NEBL: variants seen among roughly 807,000 people sequenced by gnomAD.
NEBL encodes nebulette.
Under a neutral mutation model 140.2 loss-of-function variants are expected in NEBL, and 122 were observed. The ratio of observed to expected loss-of-function variants is 0.87; its 90% CI spans 0.75 to 1.01. The LOEUF (loss-of-function observed/expected upper bound fraction) is 1.01, where lower values mean the gene tolerates loss of function less well. Ranked by LOEUF, NEBL falls within the 50% of genes least tolerant of loss-of-function variation. The pLI is 0.00. For missense variants in NEBL, 1,365 were observed against 1,231.3 expected (o/e 1.11, Z -1.62); for synonymous variants, 436 against 398.9 (o/e 1.09, Z -1.11).
rs145098713 is a variant in NEBL, at chr10:21,004,907, T to A, written c.249+15210A>T. Among the ~76,000 whole-genome samples, 698 of 152,300 alleles carry A rather than the reference T, an allele frequency of 4.6e-3. 1 individual carries two copies. The highest frequency in any genetic ancestry group is 0.016 in the African/African-American group (677 of 41,560). ...CACAGAAAGCATCTCACCTTTCTTT[T>A]TCCTCTAAAACCCTTTCAGTATTAA... On this transcript the variant is annotated intron_variant, in intron 3 of 6. Coordinates refer to the NEBL transcript ENST00000417816.
intron 5 of NEBL, among the ~76,000 whole-genome samples, chr10:20,875,130 G>A (rs981854164): frequency 2.6e-5 from 4 of 151,962 alleles, no homozygotes; most frequent in Non-Finnish European, 4.4e-5. Context: ...TCTTTATCTC[G>A]CCATATTCAC....
intron 3 of NEBL, among the ~76,000 whole-genome samples, chr10:21,195,153 A>G (rs1460248589): frequency 6.6e-6 from 1 of 152,116 alleles, no homozygotes; most frequent in South Asian, 2.1e-4. Context: ...CCTTTCTCCT[A>G]TCTAGATGAC....
intron 2 of NEBL, among the ~76,000 whole-genome samples, chr10:21,045,993 TA>T (rs372089312): frequency 2.6e-3 from 324 of 126,820 alleles, no homozygotes; most frequent in African/African-American, 9.0e-3. Context: ...GATGAATGGA[TA>T]AAAAAATGTG....
chr10:21,036,629 A>C (rs1365039362), intron 2 of NEBL, among the ~76,000 whole-genome samples: 1 of 152,124 alleles, frequency 6.6e-6, no homozygotes, highest in East Asian at 1.9e-4. Flanking sequence ...TGGCCAGGCT[A>C]TTCAAAAAGT....
intron 1 of NEBL, among the ~76,000 whole-genome samples, chr10:21,287,775 G>A (rs1048910154): frequency 6.6e-6 from 1 of 151,860 alleles, no homozygotes; most frequent in Non-Finnish European, 1.5e-5. Context: ...GACAAATAAC[G>A]ACATTCTCTC....
chr10:20,994,993 A>C (rs891165570), intron 3 of NEBL, among the ~76,000 whole-genome samples: 1 of 152,146 alleles, frequency 6.6e-6, no homozygotes, highest in Non-Finnish European at 1.5e-5. Flanking sequence ...AACTGTAGTT[A>C]TACCAAATTA....
intron 3 of NEBL, among the ~76,000 whole-genome samples, chr10:21,236,745 T>C (rs1842358530): frequency 6.6e-6 from 1 of 152,124 alleles, no homozygotes; most frequent in African/African-American, 2.4e-5. Context: ...GGCCCCAAAA[T>C]GAACCCCAAA....
intron 4 of NEBL, among the ~76,000 whole-genome samples, chr10:20,954,169 A>G (rs1835663436): frequency 6.6e-6 from 1 of 152,220 alleles, no homozygotes. Flanking sequence ...AAAATCTGGG[A>G]GCTTTCAAGA....
At chr10:21,076,249 C>T (rs901530279) in intron 2 of NEBL, among the ~76,000 whole-genome samples, 7 of 151,908 alleles carry the variant, frequency 4.6e-5, no homozygotes, top group Non-Finnish European at 1.0e-4. Flanking sequence ...TCAAGACTGG[C>T]TTGGCCAACA....
intron 2 of NEBL, among the ~76,000 whole-genome samples, chr10:21,116,775 T>C (rs1838303260): frequency 6.6e-6 from 1 of 152,014 alleles, no homozygotes; most frequent in South Asian, 2.1e-4. Context: ...ATTTAAGCAA[T>C]CCTCCCACCT....
chr10:21,058,139 G>A (rs900447092), intron 2 of NEBL, among the ~76,000 whole-genome samples: 2 of 152,276 alleles, frequency 1.3e-5, no homozygotes, highest in South Asian at 4.1e-4. Flanking sequence ...CATTCCAGGG[G>A]TTTTGGAATG....
intron 3 of NEBL, among the ~76,000 whole-genome samples, chr10:21,228,238 C>A (rs1161748128): frequency 6.6e-6 from 1 of 152,086 alleles, no homozygotes; most frequent in African/African-American, 2.4e-5. Flanking sequence ...ACTACACCCT[C>A]AAACTCCTGA....
chr10:21,201,766 A>C (rs1841740530), intron 3 of NEBL, among the ~76,000 whole-genome samples: 1 of 152,272 alleles, frequency 6.6e-6, no homozygotes, highest in Non-Finnish European at 1.5e-5. Context: ...CAAATATTTC[A>C]GTCTTTCCTC....
intron 1 of NEBL, among the ~76,000 whole-genome samples, chr10:21,276,780 C>A (rs1008569347): frequency 6.6e-6 from 1 of 152,116 alleles, no homozygotes; most frequent in Non-Finnish European, 1.5e-5. Context: ...ACCAGCCCGG[C>A]CAACATGGGG....
At chr10:21,280,650 C>T (rs1377815505) in intron 1 of NEBL, among the ~76,000 whole-genome samples, 1 of 142,584 alleles carries the variant, frequency 7.0e-6, no homozygotes, top group Non-Finnish European at 1.5e-5. Context: ...GCCTATTGCC[C>T]AGGCTGGAGT....
intron 11 of NEBL, among the ~76,000 whole-genome samples, chr10:20,849,190 C>G (rs769548426): frequency 2.0e-5 from 3 of 151,758 alleles, no homozygotes; most frequent in Admixed American, 6.6e-5. Flanking sequence ...GTGTCTGATC[C>G]TGAAAAGGTA....
At chr10:21,172,364 G>A (rs1216633815) in intron 2 of NEBL, 3 of 1,569,096 alleles carry the variant, frequency 1.9e-6, no homozygotes, top group Admixed American at 1.7e-5. Context: ...CACCTGGACA[G>A]CGTGTTGACA....
At chr10:21,010,407 G>T (rs1470753777) in intron 3 of NEBL, among the ~76,000 whole-genome samples, 2 of 148,034 alleles carry the variant, frequency 1.4e-5, no homozygotes, top group East Asian at 4.3e-4. Context: ...ACCATGCCCA[G>T]CGAATTTTTT....
At chr10:20,913,687 C>T (rs1333972845) in intron 4 of NEBL, among the ~76,000 whole-genome samples, 1 of 152,076 alleles carries the variant, frequency 6.6e-6, no homozygotes, top group East Asian at 1.9e-4. Flanking sequence ...TGATCAATAT[C>T]AATAGCATAT....
Sources: gnomAD v4.1 joint callset for allele counts (sites outside exome capture counted in the v4.1 genomes callset) on GRCh38, gnomAD v4.1.1 for gene constraint, MANE v1.5 for transcripts, NCBI Gene and HGNC (gene_info 2026-07-23, HGNC 2026-07-21) for gene names.